PRDM16: variants seen among roughly 807,000 people sequenced by gnomAD.
PRDM16 encodes the protein PR/SET domain 16.
A neutral mutation model predicts 110.6 loss-of-function variants in PRDM16; 23 were observed. That is an observed-to-expected ratio of 0.21 (90% CI 0.15 to 0.29). The LOEUF is 0.29. Ranked by LOEUF, PRDM16 falls within the 10% of genes least tolerant of loss-of-function variation. The probability of loss-of-function intolerance (pLI) is 1.00; values close to 1 mark genes in which losing one functional copy is unlikely to be tolerated. For synonymous variants in PRDM16, 799 were observed against 781.8 expected (o/e 1.02, Z -0.37); for missense variants, 1,615 against 1,794.3 (o/e 0.90, Z 1.81).
intron 4 of PRDM16, among the ~76,000 whole-genome samples, chr1:3,395,003 A>G (rs941966123): frequency 1.4e-4 from 21 of 152,302 alleles, no homozygotes; most frequent in African/African-American, 4.1e-4. Context: ...TTCACACACT[A>G]CTGACAGAGG....
intron 3 of PRDM16, among the ~76,000 whole-genome samples, chr1:3,349,583 T>C (rs955246023): frequency 6.6e-6 from 1 of 152,122 alleles, no homozygotes; most frequent in Non-Finnish European, 1.5e-5. Context: ...GACCCCTCTT[T>C]CCCACTGGCT....
rs544038788 is a variant in PRDM16 at position 3,213,512 on chromosome 1, G to T, written c.387+27038G>T. ...TGCGGGTGCCCCCCTGGGTTTGGTT[G>T]TGCCCGTGGGGGGTTGCTAGAGAGT... On this transcript the variant is annotated intron_variant, in intron 2 of 16. Coordinates refer to ENST00000270722, the MANE Select transcript of PRDM16 (RefSeq NM_022114.4). The surrounding 1 kb of genome is among the most constrained non-coding windows in gnomAD (Gnocchi z 5.3). 6.6e-6 allele frequency among the ~76,000 whole-genome samples: 1 copy of T among 152,298 alleles called. No homozygotes were observed. The highest frequency in any genetic ancestry group is 1.9e-4 in the East Asian group (1 of 5,176).
chr1:3,129,425 G>A lies in PRDM16; in HGVS notation c.38-56700G>A, dbSNP rs375165684. Among the ~76,000 whole-genome samples the A allele has an allele frequency of 1.6e-3, 244 of 152,012 alleles. 6 individuals are homozygous for A. In the South Asian group the frequency reaches 0.046, roughly 29 times the overall value. The stretch of plus-strand genomic sequence containing the variant: ...TCCTGCCTGGTGTGTGCTTGTGAGT[G>A]TGTGTATCCTTCCTGGTGTGCATGT... On this transcript the variant is annotated intron_variant, in intron 1 of 16. Coordinates refer to ENST00000270722, the MANE Select transcript of PRDM16 (RefSeq NM_022114.4).
intron 9 of PRDM16, 79 bp from the exon 10 acceptor site, chr1:3,414,481 G>C: frequency 9.3e-7 from 1 of 1,079,558 alleles, no homozygotes; most frequent in Non-Finnish European, 1.4e-6. Context: ...GTCAGGCGGG[G>C]TGGGCGGCTC....
At chr1:3,240,739 G>A (rs990811005) in intron 2 of PRDM16, among the ~76,000 whole-genome samples, 1 of 152,242 alleles carries the variant, frequency 6.6e-6, no homozygotes, top group Non-Finnish European at 1.5e-5. Flanking sequence ...CAGAACTCCA[G>A]AGCCCTAAGC....
chr1:3,337,444 G>A (rs1198468932), intron 3 of PRDM16, among the ~76,000 whole-genome samples: 1 of 152,212 alleles, frequency 6.6e-6, no homozygotes, highest in Non-Finnish European at 1.5e-5. Flanking sequence ...GTTTAGCAGG[G>A]TTCTTAGGAG....
At chr1:3,195,699 G>T (rs1638456654) in intron 2 of PRDM16, among the ~76,000 whole-genome samples, 1 of 152,186 alleles carries the variant, frequency 6.6e-6, no homozygotes, top group Non-Finnish European at 1.5e-5. Flanking sequence ...TGTCTTCAGG[G>T]TTTTGCCAGA....
chr1:3,135,258 G>T (rs147316560), intron 1 of PRDM16, among the ~76,000 whole-genome samples: 280 of 152,280 alleles, frequency 1.8e-3, no homozygotes, highest in African/African-American at 6.5e-3. Flanking sequence ...GGCCATGGTG[G>T]CCCCATGGGC....
In PRDM16 at chr1:3,069,410, C is replaced by T. The variant is rs1474765077; in HGVS notation, c.37+114C>T. 5.7e-6 allele frequency: 1 copy of T among 175,388 alleles called. No individual in the cohort carries two copies. The highest frequency in any genetic ancestry group is 1.1e-5 in the Non-Finnish European group (1 of 94,470). The allele number at this position is 175,388 out of a possible 1,614,324, so 10.9% of individuals were successfully genotyped here. On this transcript the variant is annotated intron_variant, in intron 1 of 16. Transcript: ENST00000270722. The surrounding 1 kb of genome is among the most constrained non-coding windows in gnomAD (Gnocchi z 6.1). ...GGCCGGCGCGCCTGCGGCTCCGGGC[C>T]CCCGGCTCGGCCGCGCGGCCCGGGG...
intron 1 of PRDM16, among the ~76,000 whole-genome samples, chr1:3,087,345 C>G (rs1642173676): frequency 1.3e-5 from 2 of 152,120 alleles, no homozygotes; most frequent in South Asian, 4.1e-4. Flanking sequence ...CAAGAGGCCC[C>G]GTAATCTTAG....
intron 3 of PRDM16, among the ~76,000 whole-genome samples, chr1:3,312,884 A>G (rs959974156): frequency 1.3e-5 from 2 of 152,354 alleles, no homozygotes; most frequent in African/African-American, 4.8e-5. Flanking sequence ...CAAAACACAC[A>G]CGTGTGGACA....
chr1:3,134,313 A>G (rs1466259921), intron 1 of PRDM16, among the ~76,000 whole-genome samples: 1 of 152,220 alleles, frequency 6.6e-6, no homozygotes, highest in Non-Finnish European at 1.5e-5. Flanking sequence ...TGATTCTTGA[A>G]GAGAGGACGT....
intron 2 of PRDM16, among the ~76,000 whole-genome samples, chr1:3,240,151 G>A (rs978111008): frequency 2.6e-5 from 4 of 151,620 alleles, no homozygotes; most frequent in Non-Finnish European, 4.4e-5. Flanking sequence ...AGTTAGAGCC[G>A]AGCTGGGCAT....
At chr1:3,225,384 C>G (rs1639262132) in intron 2 of PRDM16, among the ~76,000 whole-genome samples, 1 of 152,190 alleles carries the variant, frequency 6.6e-6, no homozygotes, top group East Asian at 1.9e-4. Context: ...CAGGTCTCCT[C>G]TCTGCCCTAC....
At chr1:3,137,919 A>C (rs1643473382) in intron 1 of PRDM16, among the ~76,000 whole-genome samples, 1 of 152,176 alleles carries the variant, frequency 6.6e-6, no homozygotes, top group Non-Finnish European at 1.5e-5. Flanking sequence ...ATTTGTGCTA[A>C]ATGTCCCACG....
At chr1:3,115,295 A>T (rs1033705241) in intron 1 of PRDM16, among the ~76,000 whole-genome samples, 1 of 152,204 alleles carries the variant, frequency 6.6e-6, no homozygotes, top group Non-Finnish European at 1.5e-5. Context: ...GTGGGGGCAG[A>T]GGGGCTGTGA....
intron 3 of PRDM16, among the ~76,000 whole-genome samples, chr1:3,285,439 C>T (rs1303531427): frequency 6.6e-6 from 1 of 152,206 alleles, no homozygotes; most frequent in African/African-American, 2.4e-5. Context: ...GGCCACTGAG[C>T]AGCCCTGCCA....
chr1:3,341,137 A>G (rs1365022971), intron 3 of PRDM16, among the ~76,000 whole-genome samples: 1 of 151,906 alleles, frequency 6.6e-6, no homozygotes, highest in African/African-American at 2.4e-5. Context: ...CTGGGCTATG[A>G]TGGGTGAGCC....
At chr1:3,088,417 G>A (rs539360453) in intron 1 of PRDM16, among the ~76,000 whole-genome samples, 3 of 151,906 alleles carry the variant, frequency 2.0e-5, no homozygotes, top group South Asian at 2.1e-4. Context: ...GCTTTCCCCC[G>A]AATACTCTTG....
Sources: allele counts gnomAD v4.1 joint callset (sites outside exome capture counted in the v4.1 genomes callset), GRCh38; gene constraint gnomAD v4.1.1; non-coding constraint Gnocchi (gnomAD v3.1); transcripts MANE v1.5; gene names NCBI Gene and HGNC (gene_info 2026-07-23, HGNC 2026-07-21).